Variants in PSMA1 observed in about 807,000 individuals in gnomAD.
PSMA1 encodes proteasome 20S subunit alpha 1.
PSMA1 carries 3 observed loss-of-function variants against 38.4 expected under a neutral mutation model. That is an observed-to-expected ratio of 0.08 (90% CI 0.04 to 0.20). The LOEUF (loss-of-function observed/expected upper bound fraction) is 0.20, where lower values mean the gene tolerates loss of function less well. Ranked by LOEUF, PSMA1 falls within the 10% of genes least tolerant of loss-of-function variation. The pLI is 1.00. For synonymous variants in PSMA1, 101 were observed against 107.1 expected (o/e 0.94, Z 0.35); for missense variants, 227 against 325.3 (o/e 0.70, Z 2.32).
chr11:14,631,197 C>A (rs1853002241), intron 1 of PSMA1, among the ~76,000 whole-genome samples: 1 of 151,920 alleles, frequency 6.6e-6, no homozygotes, highest in Non-Finnish European at 1.5e-5. Context: ...TTATTTCTTG[C>A]CTTCTGCTAG....
At chr11:14,606,406 G>C (rs1032137481) in intron 2 of PSMA1, among the ~76,000 whole-genome samples, 27 of 150,084 alleles carry the variant, frequency 1.8e-4, no homozygotes, top group African/African-American at 6.6e-4. Flanking sequence ...TACAGAGTGA[G>C]ACCCTGTCTG....
intron 2 of PSMA1, among the ~76,000 whole-genome samples, chr11:14,545,513 C>T (rs1195998581): frequency 6.6e-6 from 1 of 152,144 alleles, no homozygotes; most frequent in Non-Finnish European, 1.5e-5. Flanking sequence ...CTTCCTGTGT[C>T]CATGTGTTCT....
intron 2 of PSMA1, among the ~76,000 whole-genome samples, chr11:14,568,715 C>T (rs951859198): frequency 1.3e-5 from 2 of 152,238 alleles, no homozygotes; most frequent in African/African-American, 4.8e-5. Context: ...GTTTCAAAGC[C>T]TATATCCTCT....
At chr11:14,601,820 G>A (rs1003071624) in intron 2 of PSMA1, among the ~76,000 whole-genome samples, 4 of 152,156 alleles carry the variant, frequency 2.6e-5, no homozygotes, top group African/African-American at 9.7e-5. Flanking sequence ...CAATACCTAT[G>A]TACATAACAA....
chr11:14,575,404 C>A (rs1404820366), intron 2 of PSMA1, among the ~76,000 whole-genome samples: 1 of 151,408 alleles, frequency 6.6e-6, no homozygotes, highest in African/African-American at 2.4e-5. Flanking sequence ...TGCTATCCCT[C>A]CCCCCTACCC....
At chr11:14,579,508 T>C (rs1028427866) in intron 2 of PSMA1, among the ~76,000 whole-genome samples, 8 of 147,888 alleles carry the variant, frequency 5.4e-5, no homozygotes, top group East Asian at 2.0e-4. Flanking sequence ...TTTTTTTTTT[T>C]TAAATAAGGT....
chr11:14,508,744 C>G (rs1161783638), intron 8 of PSMA1, among the ~76,000 whole-genome samples: 3 of 152,138 alleles, frequency 2.0e-5, no homozygotes, highest in African/African-American at 7.2e-5. Flanking sequence ...CTCCCATTCT[C>G]TCCTGATTCC....
At chr11:14,525,050 C>A (rs1051880510), upstream of PSMA1, among the ~76,000 whole-genome samples, 5 of 152,036 alleles carry the variant, frequency 3.3e-5, no homozygotes, top group Non-Finnish European at 7.4e-5. Context: ...GCTACCCACC[C>A]CTCATTACCT....
intron 1 of PSMA1, among the ~76,000 whole-genome samples, chr11:14,634,574 G>A (rs1056506605): frequency 1.3e-5 from 2 of 151,700 alleles, no homozygotes; most frequent in East Asian, 3.9e-4. Flanking sequence ...TGAACTCCTG[G>A]CCTCAAGTTA....
At chr11:14,594,887 C>T (rs888407862) in intron 2 of PSMA1, among the ~76,000 whole-genome samples, 8 of 152,058 alleles carry the variant, frequency 5.3e-5, no homozygotes, top group Non-Finnish European at 1.0e-4. Flanking sequence ...TTAGGTAATT[C>T]TCCTAATGCT....
chr11:14,561,804 C>T (rs865824157), intron 2 of PSMA1, among the ~76,000 whole-genome samples: 2 of 132,606 alleles, frequency 1.5e-5, no homozygotes, highest in Non-Finnish European at 3.2e-5. Flanking sequence ...CTAAACTAAA[C>T]TAAATTAAAC....
At chr11:14,566,965 G>A (rs1310062199) in intron 2 of PSMA1, among the ~76,000 whole-genome samples, 1 of 152,186 alleles carries the variant, frequency 6.6e-6, no homozygotes, top group Non-Finnish European at 1.5e-5. Flanking sequence ...AGGCAAAAAC[G>A]ACAGGTGTGC....
chr11:14,627,041 C>T (rs543801418), intron 1 of PSMA1, among the ~76,000 whole-genome samples: 2 of 152,144 alleles, frequency 1.3e-5, no homozygotes, highest in Non-Finnish European at 2.9e-5. Flanking sequence ...CTTGCTGTGT[C>T]TTCATAAGTT....
intron 1 of PSMA1, among the ~76,000 whole-genome samples, chr11:14,638,025 A>G (rs1476807163): frequency 6.6e-6 from 1 of 152,220 alleles, no homozygotes; most frequent in Non-Finnish European, 1.5e-5. Context: ...GCATCTACTC[A>G]TTGTTAGTTA....
intron 2 of PSMA1, among the ~76,000 whole-genome samples, chr11:14,593,628 GAGAGA>G: frequency 6.9e-6 from 1 of 145,924 alleles, no homozygotes; most frequent in Non-Finnish European, 1.5e-5. Context: ...GAGAGAGAGA[GAGAGA>G]GAGAGAGAGA....
At chr11:14,587,620 C>T (rs1852363773) in intron 2 of PSMA1, among the ~76,000 whole-genome samples, 1 of 148,090 alleles carries the variant, frequency 6.8e-6, no homozygotes, top group Admixed American at 6.8e-5. Context: ...CTGGCTAGAT[C>T]CCAGCTGACA....
intron 2 of PSMA1, among the ~76,000 whole-genome samples, chr11:14,596,274 T>C (rs1363474895): frequency 1.3e-5 from 2 of 152,262 alleles, no homozygotes; most frequent in African/African-American, 4.8e-5. Flanking sequence ...TTTCCAATTC[T>C]GTGAAGAACG....
intron 1 of PSMA1, among the ~76,000 whole-genome samples, chr11:14,627,599 C>T (rs1414216996): frequency 6.6e-6 from 1 of 152,110 alleles, no homozygotes; most frequent in African/African-American, 2.4e-5. Context: ...AATCTTTCTG[C>T]CCTACAAATT....
At chr11:14,637,669 T>C (rs1853127256) in intron 1 of PSMA1, among the ~76,000 whole-genome samples, 1 of 152,188 alleles carries the variant, frequency 6.6e-6, no homozygotes, top group African/African-American at 2.4e-5. Flanking sequence ...AGATCTAAGA[T>C]ATGTAGGGCC....
Sources: allele counts gnomAD v4.1 joint callset (sites outside exome capture counted in the v4.1 genomes callset), GRCh38; gene constraint gnomAD v4.1.1; transcripts MANE v1.5; gene names NCBI Gene and HGNC (gene_info 2026-07-23, HGNC 2026-07-21).